Variants in JAK1 observed in about 807,000 individuals in gnomAD.
JAK1 encodes the protein Janus kinase 1.
In JAK1, 16 loss-of-function variants were observed where a neutral mutation model predicts 136.6. That is an observed-to-expected ratio of 0.12 (90% CI 0.08 to 0.18). The LOEUF (loss-of-function observed/expected upper bound fraction) is 0.18. Among genes scored for constraint, JAK1 ranks in the 10% least tolerant of loss-of-function variants. The pLI, the probability that JAK1 is intolerant of heterozygous loss-of-function variation, is 1.00. For missense variants in JAK1, 859 were observed against 1,450.1 expected, an observed-to-expected ratio of 0.59 and a Z score of 6.62; for synonymous variants, 492 against 519.5, an observed-to-expected ratio of 0.95 and a Z score of 0.72.
chr1:64,929,582 A>G (rs1054338119), intron 1 of JAK1, among the ~76,000 whole-genome samples: 23 of 152,218 alleles, frequency 1.5e-4, no homozygotes, highest in Admixed American at 1.2e-3. Context: ...TGACTTTACC[A>G]TAAGTAAATG....
chr1:65,063,658 T>TAA (rs1647910434), intron 1 of JAK1, among the ~76,000 whole-genome samples: 1 of 151,640 alleles, frequency 6.6e-6, no homozygotes, highest in Non-Finnish European at 1.5e-5. Context: ...ACAAAAAATC[T>TAA]GCCGGGCGTG....
At chr1:64,857,256 C>T (rs897652928) in intron 10 of JAK1, among the ~76,000 whole-genome samples, 2 of 152,204 alleles carry the variant, frequency 1.3e-5, no homozygotes, top group African/African-American at 4.8e-5. Flanking sequence ...CTGGTTTGTA[C>T]CAGTGAATGC....
At chr1:64,963,476 C>A (rs1352736921) in intron 1 of JAK1, among the ~76,000 whole-genome samples, 1 of 151,994 alleles carries the variant, frequency 6.6e-6, no homozygotes, top group Non-Finnish European at 1.5e-5. Context: ...AAAACCTTTA[C>A]CCCAAAAAAT....
At chr1:64,868,922 T>C (rs568397551) in intron 6 of JAK1, among the ~76,000 whole-genome samples, 69 of 152,350 alleles carry the variant, frequency 4.5e-4, no homozygotes, top group African/African-American at 1.5e-3. Context: ...GAGTTCAGGC[T>C]TGGGATGGTA....
chr1:64,957,606 C>G (rs1026359469), intron 1 of JAK1, among the ~76,000 whole-genome samples: 4 of 151,580 alleles, frequency 2.6e-5, no homozygotes, highest in Non-Finnish European at 5.9e-5. Context: ...GTCAGGAGAT[C>G]GAGACCATCC....
chr1:64,844,020 T>C lies in JAK1; in HGVS notation c.2403+44A>G, dbSNP rs1302156847. 1.9e-6 allele frequency: 3 copies of C among 1,609,702 alleles called. No homozygotes were observed. Among genetic ancestry groups the C allele is most frequent in the African/African-American group, 2.7e-5 (2 of 74,834 alleles). On this transcript the variant is annotated intron_variant, in intron 17 of 24. Coordinates refer to ENST00000342505, the MANE Select transcript of JAK1 (RefSeq NM_002227.4). This position sits in a 1 kb window ranked among gnomAD's most constrained non-coding sequence, Gnocchi z 5.7. ...AACTCCTGGGAAGCCCACGAGCACC[T>C]GAAAGCCCTCACTTGCCTCACGCCC...
intron 1 of JAK1, among the ~76,000 whole-genome samples, chr1:64,956,837 C>T (rs1277419993): frequency 1.3e-5 from 2 of 152,106 alleles, no homozygotes; most frequent in Non-Finnish European, 1.5e-5. Flanking sequence ...ATTCACAGAA[C>T]CTTTAGAAAC....
intron 17 of JAK1, 136 bp from the exon 18 acceptor site, chr1:64,841,737 T>C: frequency 1.2e-6 from 1 of 832,166 alleles, no homozygotes; most frequent in South Asian, 1.6e-5. Context: ...TAAGTGTTTG[T>C]TACTGCTGCC....
At chr1:64,987,901 G>A (rs1262343678) in intron 2 of JAK1, among the ~76,000 whole-genome samples, 2 of 152,170 alleles carry the variant, frequency 1.3e-5, no homozygotes, top group African/African-American at 2.4e-5. Flanking sequence ...ATAACATAGG[G>A]CAATATAGAG....
At chr1:64,971,973 T>C (rs1316802561) in intron 2 of JAK1, among the ~76,000 whole-genome samples, 1 of 152,234 alleles carries the variant, frequency 6.6e-6, no homozygotes, top group Non-Finnish European at 1.5e-5. Flanking sequence ...TTGTGGGTTT[T>C]TGTTTGTTTG....
At position 64,940,296 on chromosome 1, in the gene JAK1, C is replaced by T. The variant is rs926506851; in HGVS notation, c.-78+26037G>A. Among the ~76,000 whole-genome samples the T allele has an allele frequency of 5.9e-5, 9 of 151,334 alleles. 1 individual carries two copies. In the Admixed American group the frequency reaches 6.0e-4, roughly 10 times the overall value. ...TGTAAGAGTCATCATTTACAGAAGACCTAGCTTATACCAATTTCAATTTCT... is the reference window on the plus strand; with the variant it reads ...TGTAAGAGTCATCATTTACAGAAGATCTAGCTTATACCAATTTCAATTTCT... On this transcript the variant is annotated intron_variant, in intron 1 of 24. Transcript: ENST00000342505.
At chr1:65,043,241 C>T (rs993139698) in intron 2 of JAK1, among the ~76,000 whole-genome samples, 6 of 152,022 alleles carry the variant, frequency 3.9e-5, no homozygotes, top group Non-Finnish European at 8.8e-5. Flanking sequence ...AATATAAAGT[C>T]CTAATTTTTA....
At chr1:64,929,543 T>G (rs191273548) in intron 1 of JAK1, among the ~76,000 whole-genome samples, 2 of 152,346 alleles carry the variant, frequency 1.3e-5, no homozygotes, top group Admixed American at 1.3e-4. Context: ...TAAAATTCAG[T>G]GCTCACTACA....
chr1:65,016,641 G>A (rs892806771), intron 2 of JAK1, among the ~76,000 whole-genome samples: 3 of 151,992 alleles, frequency 2.0e-5, no homozygotes, highest in African/African-American at 4.8e-5. Context: ...GCTCACGCCT[G>A]TAATCCCAAC....
intron 2 of JAK1, among the ~76,000 whole-genome samples, chr1:65,005,801 C>A (rs1215944173): frequency 6.6e-6 from 1 of 152,118 alleles, no homozygotes; most frequent in East Asian, 1.9e-4. Flanking sequence ...AACTTGACAA[C>A]TTAATTATAA....
intron 2 of JAK1, among the ~76,000 whole-genome samples, chr1:65,023,361 A>C (rs1362212331): frequency 2.0e-5 from 3 of 152,064 alleles, no homozygotes; most frequent in African/African-American, 7.2e-5. Context: ...CTCCTGAGGC[A>C]CTGGTATTAC....
At chr1:65,063,685 G>A (rs1295424846) in intron 1 of JAK1, among the ~76,000 whole-genome samples, 6 of 151,760 alleles carry the variant, frequency 4.0e-5, no homozygotes, top group Non-Finnish European at 5.9e-5. Context: ...CACACCTGTA[G>A]TCCCAGCTAC....
chr1:65,015,915 A>G (rs1646888579), intron 2 of JAK1, among the ~76,000 whole-genome samples: 1 of 152,222 alleles, frequency 6.6e-6, no homozygotes, highest in Non-Finnish European at 1.5e-5. Context: ...TCATTGTAGC[A>G]TTATTTACAA....
rs373574087 is a variant in JAK1, at chr1:65,054,629, C to T, written c.-180-10047G>A. 1.6e-4 allele frequency among the ~76,000 whole-genome samples: 24 copies of T among 152,220 alleles called. 1 individual carries two copies. The highest frequency in any genetic ancestry group is 3.3e-4 in the Admixed American group (5 of 15,302). On this transcript the variant is annotated intron_variant, in intron 1 of 25. Transcript: ENST00000671954. ...AGGAGTGGTAGCATAACTCCAAAGA[C>T]GTGGGCAGTTGAGGCAACTGGAACA...
Sources: gnomAD v4.1 joint callset for allele counts (sites outside exome capture counted in the v4.1 genomes callset) on GRCh38, gnomAD v4.1.1 for gene constraint, Gnocchi (gnomAD v3.1) non-coding constraint, MANE v1.5 for transcripts, NCBI Gene and HGNC (gene_info 2026-07-23, HGNC 2026-07-21) for gene names.